The following FAF1 variants were observed in gnomAD, a reference collection of about 807,000 sequenced individuals.
The protein encoded by FAF1 is FAS-associated factor 1.
A neutral mutation model predicts 92.5 loss-of-function variants in FAF1; 25 were observed. The ratio of observed to expected loss-of-function variants is 0.27; its 90% CI spans 0.20 to 0.38. FAF1 has a LOEUF of 0.38. FAF1 is among the 10% of genes least tolerant of loss of function. The probability of loss-of-function intolerance (pLI) is 1.00; values close to 1 mark genes in which losing one functional copy is unlikely to be tolerated. For missense variants in FAF1, 636 were observed against 793.3 expected, an observed-to-expected ratio of 0.80 and a Z score of 2.38; for synonymous variants, 234 against 273.2, an observed-to-expected ratio of 0.86 and a Z score of 1.42.
intron 7 of FAF1, among the ~76,000 whole-genome samples, chr1:50,703,761 A>G (rs1305763227): frequency 6.6e-6 from 1 of 152,194 alleles, no homozygotes; most frequent in Non-Finnish European, 1.5e-5. Context: ...TTGATAATCT[A>G]CATAGCAGGC....
intron 8 of FAF1, among the ~76,000 whole-genome samples, chr1:50,605,345 A>G (rs1221316897): frequency 6.6e-6 from 1 of 152,234 alleles, no homozygotes; most frequent in East Asian, 1.9e-4. Context: ...TCATTAAAAT[A>G]CTTCTGAAGA....
At position 50,887,847 on chromosome 1, in the gene FAF1, T is replaced by A. The variant is rs150915809; in HGVS notation, c.46-29850A>T. 8.3e-3 allele frequency among the ~76,000 whole-genome samples: 1,271 copies of A among 152,318 alleles called. 17 individuals carry two copies. The highest frequency in any genetic ancestry group is 8.4e-3 in the Non-Finnish European group (570 of 68,024). On this transcript the variant is annotated intron_variant, in intron 1 of 18. Transcript: ENST00000396153. ...GCTTTGTTCTTTTGGCTTAGGATTG[T>A]CTTGGCAAGGCAGGCTCTTTTTTGG...
chr1:50,447,878 C>A (rs1427029318), intron 18 of FAF1, among the ~76,000 whole-genome samples: 1 of 152,224 alleles, frequency 6.6e-6, no homozygotes, highest in Non-Finnish European at 1.5e-5. Flanking sequence ...CAAGGCTGTA[C>A]ATTATCTAAT....
At chr1:50,726,260 A>T (rs946019030) in intron 6 of FAF1, among the ~76,000 whole-genome samples, 17 of 152,102 alleles carry the variant, frequency 1.1e-4, no homozygotes, top group Non-Finnish European at 2.5e-4. Context: ...AATCTCAAAA[A>T]AATAATAATA....
intron 17 of FAF1, among the ~76,000 whole-genome samples, chr1:50,481,513 G>A (rs111699227): frequency 1.3e-5 from 2 of 152,294 alleles, no homozygotes; most frequent in African/African-American, 4.8e-5. Flanking sequence ...AGGAGCAACA[G>A]GTTATACCAT....
chr1:50,670,931 T>C lies in FAF1; in HGVS notation c.658-15403A>G, dbSNP rs190620440. 2.0e-4 allele frequency among the ~76,000 whole-genome samples: 30 copies of C among 151,566 alleles called. 1 individual carries two copies. The highest frequency in any genetic ancestry group is 5.3e-4 in the Admixed American group (8 of 15,206). ...GGTGACAGAGTAAGACTGCCTCAAA[T>C]ACATAAATAAATAAAGTAGCTTGAT... On this transcript the variant is annotated intron_variant, in intron 7 of 18. Coordinates refer to ENST00000396153, the MANE Select transcript of FAF1 (RefSeq NM_007051.3).
intron 1 of FAF1, among the ~76,000 whole-genome samples, chr1:50,933,803 G>A (rs1435614435): frequency 6.6e-6 from 1 of 152,184 alleles, no homozygotes; most frequent in Non-Finnish European, 1.5e-5. Context: ...GGAGACCTCA[G>A]AATCATTGAG....
intron 18 of FAF1, among the ~76,000 whole-genome samples, chr1:50,458,706 A>T (rs1646386812): frequency 6.6e-6 from 1 of 152,236 alleles, no homozygotes; most frequent in Non-Finnish European, 1.5e-5. Flanking sequence ...GTGGTTTAGC[A>T]ACTGTTTCCT....
chr1:50,891,990 C>T (rs1054137076), intron 1 of FAF1, among the ~76,000 whole-genome samples: 6 of 152,188 alleles, frequency 3.9e-5, no homozygotes, highest in Non-Finnish European at 7.3e-5. Context: ...CCTCCTTGAG[C>T]TGCAGTGGGG....
At chr1:50,866,124 G>A (rs1437974277) in intron 1 of FAF1, among the ~76,000 whole-genome samples, 1 of 151,992 alleles carries the variant, frequency 6.6e-6, no homozygotes, top group Admixed American at 6.6e-5. Context: ...ATAGATGCAG[G>A]AAAAGCAGTT....
chr1:50,842,247 T>A (rs1644261926), intron 2 of FAF1, among the ~76,000 whole-genome samples: 1 of 152,026 alleles, frequency 6.6e-6, no homozygotes, highest in Non-Finnish European at 1.5e-5. Context: ...AGATTTTGAG[T>A]TCCTAGGTTG....
intron 2 of FAF1, among the ~76,000 whole-genome samples, chr1:50,822,877 C>A (rs1050537142): frequency 6.6e-6 from 1 of 150,790 alleles, no homozygotes; most frequent in Admixed American, 6.6e-5. Context: ...CGGGTTCAAG[C>A]GATTCTCCTA....
At chr1:50,883,744 C>T (rs1204821700) in intron 1 of FAF1, among the ~76,000 whole-genome samples, 1 of 152,084 alleles carries the variant, frequency 6.6e-6, no homozygotes, top group Non-Finnish European at 1.5e-5. Context: ...AAAATTTTTT[C>T]AGCATAACTA....
At chr1:50,495,264 C>T (rs1646885320) in intron 15 of FAF1, among the ~76,000 whole-genome samples, 2 of 152,304 alleles carry the variant, frequency 1.3e-5, no homozygotes, top group African/African-American at 4.8e-5. Context: ...CACCCCACTG[C>T]CCTCCCTAGC....
Position 50,726,467 on chromosome 1 carries a change from C to T in FAF1, c.551+12396G>A, listed in dbSNP as rs184973274. On this transcript the variant is annotated intron_variant, in intron 6 of 18. Transcript: ENST00000396153. The stretch of plus-strand genomic sequence containing the variant: ...ATCCCAGCACTTTGGGTGGCCGAGG[C>T]GGACAGATCACGAGGTCAGGAGATC... Among the ~76,000 whole-genome samples the T allele has an allele frequency of 1.4e-3, 218 of 151,588 alleles. 5 individuals carry two copies. The highest frequency in any genetic ancestry group is 6.2e-4 in the Non-Finnish European group (42 of 67,864).
chr1:50,880,753 CAA>C (rs1363939226), intron 1 of FAF1, among the ~76,000 whole-genome samples: 1 of 152,044 alleles, frequency 6.6e-6, no homozygotes, highest in Non-Finnish European at 1.5e-5. Context: ...TGTGGCATAA[CAA>C]GAGCAATTAA....
chr1:50,722,541 C>T (rs1658454115), intron 6 of FAF1, among the ~76,000 whole-genome samples: 1 of 149,672 alleles, frequency 6.7e-6, no homozygotes, highest in African/African-American at 2.5e-5. Flanking sequence ...CCCGGCTACT[C>T]GGGAGGCTGA....
At chr1:50,717,831 A>G (rs951316864) in intron 6 of FAF1, among the ~76,000 whole-genome samples, 5 of 152,136 alleles carry the variant, frequency 3.3e-5, no homozygotes, top group Non-Finnish European at 5.9e-5. Context: ...GCAAGACCTC[A>G]TGTCTGTAAA....
At chr1:50,504,358 C>T (rs547953083) in intron 15 of FAF1, among the ~76,000 whole-genome samples, 2 of 141,620 alleles carry the variant, frequency 1.4e-5, no homozygotes, top group South Asian at 2.3e-4. Flanking sequence ...AGACAAGTAC[C>T]CAACATCAAT....
Sources: gnomAD v4.1 joint callset for allele counts (sites outside exome capture counted in the v4.1 genomes callset) on GRCh38, gnomAD v4.1.1 for gene constraint, MANE v1.5 for transcripts, NCBI Gene and HGNC (gene_info 2026-07-23, HGNC 2026-07-21) for gene names.